PMPCA: variants seen among roughly 807,000 people sequenced by gnomAD.
PMPCA encodes peptidase, mitochondrial processing subunit alpha.
A neutral mutation model predicts 59.3 loss-of-function variants in PMPCA; 47 were observed. The observed-to-expected ratio is 0.79, with a 90% CI of 0.63 to 1.01. The LOEUF (loss-of-function observed/expected upper bound fraction) is 1.01, where lower values mean the gene tolerates loss of function less well. Among genes scored for constraint, PMPCA ranks in the 50% least tolerant of loss-of-function variants. The pLI, the probability that PMPCA is intolerant of heterozygous loss-of-function variation, is 0.00. For synonymous variants in PMPCA, 338 were observed against 290.3 expected (o/e 1.16, Z -1.67); for missense variants, 726 against 704.5 (o/e 1.03, Z -0.34).
At chr9:136,415,556 T>C (rs1835250086) in intron 5 of PMPCA, among the ~76,000 whole-genome samples, 1 of 152,256 alleles carries the variant, frequency 6.6e-6, no homozygotes, top group South Asian at 2.1e-4. Context: ...CAGCTTGCGC[T>C]TGGTGTTCAA....
Position 136,416,969 on chromosome 9 carries a change from A to C in PMPCA, c.652A>C (p.Thr218Pro), listed in dbSNP as rs1274988424. ...MIHEAAYREN[T>P]VGLHRFCPTE... is the part of the protein sequence containing the mutation. ...CCATTAGGCGGCTTACAGGGAGAAC[A>C]CAGTTGGCCTCCACCGTTTCTGCCC... The change falls in exon 7 of 13, where the codon ACA (threonine) becomes CCA (proline). Residue 218 changes from threonine (T) to proline (P), a missense_variant. Physicochemically the swap from Thr to Pro is conservative, Grantham distance 38 (BLOSUM62 -1). Coordinates refer to ENST00000371717, the MANE Select transcript of PMPCA (RefSeq NM_015160.3). 6.2e-7 allele frequency: 1 copy of C among 1,611,440 alleles called. No individual in the cohort carries two copies. The highest frequency in any genetic ancestry group is 1.7e-5 in the Admixed American group (1 of 59,974).
chr9:136,422,061 T>G, intron 12 of PMPCA, 85 bp downstream of exon 12: 1 of 1,549,560 alleles, frequency 6.5e-7, no homozygotes, highest in Non-Finnish European at 8.7e-7. Flanking sequence ...CAGGCCGTGG[T>G]GGGCCTGTGG....
intron 12 of PMPCA, chr9:136,422,495 C>T: frequency 9.7e-7 from 1 of 1,031,278 alleles, no homozygotes; most frequent in Non-Finnish European, 1.2e-6. Context: ...GCAAGGCTGC[C>T]TATTACGTTG....
At chr9:136,422,589 C>A in intron 12 of PMPCA, 1 of 1,011,340 alleles carries the variant, frequency 9.9e-7, no homozygotes, top group Non-Finnish European at 1.2e-6. Context: ...CCCGTGTGGG[C>A]CCTCGTCCTT....
intron 7 of PMPCA, among the ~76,000 whole-genome samples, chr9:136,417,771 G>GT (rs61320665): frequency 1.7e-3 from 249 of 146,510 alleles, no homozygotes; most frequent in Admixed American, 2.6e-3. Flanking sequence ...ATATACATAT[G>GT]TTTTTTTTTT....
In PMPCA at chr9:136,412,037, G is replaced by T. The variant is rs200216451; in HGVS notation, c.112G>T (p.Ala38Ser). 6.2e-7 allele frequency: 1 copy of T among 1,613,358 alleles called. No homozygotes were observed. ...GTACAGACGGTTTAGTAGTGGTGGT[G>T]CCTATCCCAACATCCCCCTCTCTTC... ...PAYRRFSSGG[A>S]YPNIPLSSPL... The change falls in exon 2 of 13, where the codon GCC becomes TCC. Residue 38 changes from alanine to serine, a missense_variant. Transcript: ENST00000371717.
rs1564420361 is a variant in PMPCA, at chr9:136,414,633, A to G, written c.518A>G (p.Gln173Arg). The G allele has an allele frequency of 6.2e-7, 1 of 1,611,714 alleles. No individual in the cohort carries two copies. The highest frequency in any genetic ancestry group is 2.2e-5 in the East Asian group (1 of 44,872). The change falls in exon 5 of 13, where the codon CAG becomes CGG. Residue 173 changes from glutamine to arginine, a missense_variant. Physicochemically the swap from Gln to Arg is conservative, Grantham distance 43 (BLOSUM62 1). Coordinates refer to ENST00000371717, the MANE Select transcript of PMPCA (RefSeq NM_015160.3). ...VVALLADVVL[Q>R]PRLTDEEVEM... ...GCCTTACTGGCTGATGTGGTTCTGC[A>G]GCCCCGGCTAACAGGTGTGGATCCC...
rs1835294613 is a variant in PMPCA, at chr9:136,416,955, C to T, written c.638C>T (p.Ala213Val). Residue 213 changes from alanine to valine, a missense_variant, in exon 7 of 13, where the codon GCT (alanine) becomes GTT (valine). By Grantham distance (64) the Ala-to-Val change is moderately conservative. Coordinates refer to ENST00000371717, the MANE Select transcript of PMPCA (RefSeq NM_015160.3). Reference sequence around the variant, plus strand: ...TCTGTGGCTCTTCCCCATTAGGCGGCTTACAGGGAGAACACAGTTGGCCTC... The same window carrying T: ...TCTGTGGCTCTTCCCCATTAGGCGGTTTACAGGGAGAACACAGTTGGCCTC... ...PLLTEMIHEAAYRENTVGLHR... is the reference protein window; with the variant it reads ...PLLTEMIHEAVYRENTVGLHR... The T allele has an allele frequency of 3.7e-6, 6 of 1,609,002 alleles. No homozygotes were observed. The highest frequency in any genetic ancestry group is 5.1e-6 in the Non-Finnish European group (6 of 1,177,960).
chr9:136,412,982 C>G (rs112738288), intron 4 of PMPCA, 90 bp downstream of exon 4: 1 of 805,044 alleles, frequency 1.2e-6, no homozygotes, highest in East Asian at 2.5e-5. Context: ...CCCCTCCCAG[C>G]GGGAGGTGTG....
chr9:136,422,838 G>A, intron 12 of PMPCA: 5 of 1,296,592 alleles, frequency 3.9e-6, no homozygotes, highest in Non-Finnish European at 4.9e-6. Flanking sequence ...TTCTGTAAGT[G>A]TAACTCTTCT....
rs1484494218 is a variant in PMPCA, at chr9:136,412,532, G to C, written c.317G>C (p.Ser106Thr). ...SGSRYEAKYL[S>T]GIAHFLEKLA... ...TCGAGATATGAAGCGAAATACCTTA[G>C]TGGAATTGCTCACTTTTTGGAAAAA... is the stretch of plus-strand genomic sequence containing the variant. Residue 106 changes from serine (S) to threonine (T), a missense_variant, in exon 3 of 13, where the codon AGT becomes ACT. Ser to Thr is a moderately conservative substitution (Grantham distance 58). Transcript: ENST00000371717. The C allele has an allele frequency of 6.2e-7, 1 of 1,602,824 alleles. No homozygotes were observed. The highest frequency in any genetic ancestry group is 8.5e-7 in the Non-Finnish European group (1 of 1,171,724).
At chr9:136,419,178 G>GTCT in intron 11 of PMPCA, 72 bp downstream of exon 11, 1 of 1,321,406 alleles carries the variant, frequency 7.6e-7, no homozygotes, top group South Asian at 1.2e-5. Flanking sequence ...TTGTAGGAGT[G>GTCT]GCCACCTGTG....
intron 5 of PMPCA, 136 bp from the exon 6 acceptor site, chr9:136,416,155 C>T (rs1266419151): frequency 6.0e-6 from 4 of 670,620 alleles, no homozygotes; most frequent in Non-Finnish European, 1.1e-5. Flanking sequence ...CCAGTCTGCC[C>T]CTAGATGAAG....
chr9:136,416,297 A>T lies in PMPCA; in HGVS notation c.539A>T (p.Glu180Val). Residue 180 changes from glutamate to valine, a missense_variant, in exon 6 of 13, where the codon GAA (glutamate) becomes GTA (valine). Physicochemically the swap from Glu to Val is moderately radical, Grantham distance 121. Coordinates refer to ENST00000371717, the MANE Select transcript of PMPCA (RefSeq NM_015160.3). ...VVLQPRLTDEEVEMTRMAVQF... is the reference protein window; with the variant it reads ...VVLQPRLTDEVVEMTRMAVQF... ...CCTTTGGGTTCTCTTGCAGATGAAG[A>T]AGTCGAGATGACGCGGATGGCGGTC... is the stretch of plus-strand genomic sequence containing the variant. The T allele has an allele frequency of 4.3e-6, 7 of 1,612,990 alleles. No individual in the cohort carries two copies. Among genetic ancestry groups the T allele is most frequent in the Non-Finnish European group, 5.9e-6 (7 of 1,179,332 alleles).
intron 4 of PMPCA, 57 bp downstream of exon 4, chr9:136,412,949 T>G: frequency 9.8e-7 from 1 of 1,021,478 alleles, no homozygotes. Context: ...GACGTTCTTG[T>G]CGTTGCTCAG....
In PMPCA at chr9:136,422,940, C is replaced by T. The variant is rs1320152848; in HGVS notation, c.1409-155C>T. The stretch of plus-strand genomic sequence containing the variant: ...TCACTTGTGGACTCACCCTTGGCTA[C>T]ACCCAGTGGCTGCCTTTGGGCCCAG... On this transcript the variant is annotated intron_variant, in intron 12 of 12. Transcript: ENST00000371717. 12 of 1,441,204 alleles carry T rather than the reference C, an allele frequency of 8.3e-6. No individual in the cohort carries two copies. The East Asian group carries it at 1.3e-4, about 15-fold the overall frequency. The allele number at this position is 1,441,204 out of a possible 1,614,324, so 89.3% of individuals were successfully genotyped here. A position where few individuals can be genotyped will look rare whatever the true frequency, so the allele number is the denominator to read the frequency against.
In PMPCA at chr9:136,419,331, A is replaced by G. The variant is rs1358640153; in HGVS notation, c.1263+225A>G. ...TCCCTGGTCCAAACCCCGAAAACAG[A>G]AAAACAGACCACCGCCCTCCCCCAG... is the stretch of plus-strand genomic sequence containing the variant. On this transcript the variant is annotated intron_variant, in intron 11 of 12. Coordinates refer to ENST00000371717, the MANE Select transcript of PMPCA (RefSeq NM_015160.3). 1.5e-5 allele frequency: 9 copies of G among 613,458 alleles called. No individual in the cohort carries two copies. The East Asian group carries it at 2.5e-4, about 17-fold the overall frequency. The allele number at this position is 613,458 out of a possible 1,614,324, so 38.0% of individuals were successfully genotyped here.
intron 1 of PMPCA, chr9:136,411,319 C>T (rs1221190594): frequency 6.5e-6 from 1 of 153,848 alleles, no homozygotes; most frequent in East Asian, 1.9e-4. Flanking sequence ...CAGGCTGGAG[C>T]GTAAACAAAA....
chr9:136,416,010 C>T, intron 5 of PMPCA: 1 of 539,600 alleles, frequency 1.9e-6, no homozygotes, highest in Non-Finnish European at 3.3e-6. Context: ...GGTCCAGTGT[C>T]TTCGGTGCCT....
Sources: allele counts gnomAD v4.1 joint callset (sites outside exome capture counted in the v4.1 genomes callset), GRCh38; gene constraint gnomAD v4.1.1; transcripts MANE v1.5; gene names NCBI Gene and HGNC (gene_info 2026-07-23, HGNC 2026-07-21).